Variants in SMARCA2 observed in about 807,000 individuals in gnomAD.
SMARCA2 encodes the protein SWI/SNF related BAF chromatin remodeling complex subunit ATPase 2.
A neutral mutation model predicts 199.8 loss-of-function variants in SMARCA2; 61 were observed. That is an observed-to-expected ratio of 0.31 (90% CI 0.25 to 0.38). The LOEUF (loss-of-function observed/expected upper bound fraction) is 0.38, where lower values mean the gene tolerates loss of function less well. SMARCA2 is among the 10% of genes least tolerant of loss of function. SMARCA2 has a pLI of 1.00. For missense variants in SMARCA2, 1,344 were observed against 2,012.2 expected (o/e 0.67, Z 6.35); for synonymous variants, 935 against 732.0 (o/e 1.28, Z -4.48).
At chr9:2,087,827 C>T (rs1015596204) in intron 18 of SMARCA2, among the ~76,000 whole-genome samples, 1 of 152,168 alleles carries the variant, frequency 6.6e-6, no homozygotes, top group African/African-American at 2.4e-5. Context: ...CACATGGGCC[C>T]ATCCTCAGTA....
chr9:2,184,105 G>A, intron 31 of SMARCA2, among the ~76,000 whole-genome samples: 1 of 152,108 alleles, frequency 6.6e-6, no homozygotes, highest in East Asian at 1.9e-4. Context: ...TGTCTAGAAT[G>A]AATTTCATCT....
At chr9:2,103,375 A>G (rs569052346) in intron 22 of SMARCA2, among the ~76,000 whole-genome samples, 16 of 152,272 alleles carry the variant, frequency 1.1e-4, no homozygotes, top group African/African-American at 2.4e-4. Flanking sequence ...CTCTGCTCCA[A>G]TCTAAAGAAG....
intron 31 of SMARCA2, 43 bp from the exon 32 acceptor site, chr9:2,186,053 A>G (rs1189337206): frequency 6.3e-7 from 1 of 1,598,206 alleles, no homozygotes; most frequent in African/African-American, 1.3e-5. Flanking sequence ...CTGCCATGGT[A>G]ACTCAGCTTG....
chr9:2,056,063 A>T lies in SMARCA2; in HGVS notation c.1174-609A>T, dbSNP rs1484025965. On this transcript the variant is annotated intron_variant, in intron 6 of 33. Transcript: ENST00000349721. The surrounding 1 kb of genome is among the most constrained non-coding windows in gnomAD (Gnocchi z 4.0). ...CCTACCACCACATAACATGCAATACAGATAAAAGTATTACATTTGTGATCT... is the reference window on the plus strand; with the variant it reads ...CCTACCACCACATAACATGCAATACTGATAAAAGTATTACATTTGTGATCT... 1.3e-5 allele frequency among the ~76,000 whole-genome samples: 2 copies of T among 152,236 alleles called. No individual in the cohort carries two copies. The highest frequency in any genetic ancestry group is 2.9e-5 in the Non-Finnish European group (2 of 68,040).
chr9:2,052,718 T>A (rs553923144), intron 5 of SMARCA2, among the ~76,000 whole-genome samples: 43 of 152,312 alleles, frequency 2.8e-4, no homozygotes, highest in Middle Eastern at 6.8e-3. Context: ...GTAGGTTTTT[T>A]AAAAAATCAC....
chr9:2,116,500 C>G (rs569821636), intron 25 of SMARCA2, among the ~76,000 whole-genome samples: 1 of 152,330 alleles, frequency 6.6e-6, no homozygotes, highest in East Asian at 1.9e-4. Context: ...GTAGGACAAA[C>G]CTTCACAGCC....
chr9:2,017,052 G>C lies in SMARCA2; in HGVS notation c.-37+1648G>C, dbSNP rs942198996. 6.6e-6 allele frequency: 1 copy of C among 152,212 alleles called. No individual in the cohort carries two copies. The highest frequency in any genetic ancestry group is 6.5e-5 in the Admixed American group (1 of 15,288). The allele number at this position is 152,212 out of a possible 1,614,324, so 9.4% of individuals were successfully genotyped here. On this transcript the variant is annotated intron_variant, in intron 1 of 33. Transcript: ENST00000349721. The surrounding 1 kb of genome is among the most constrained non-coding windows in gnomAD (Gnocchi z 8.8). ...GGGGCGCGGCAGTGCGGGCTCCGGC[G>C]GACACCCGCGCCTTGGCCGGGGCAC...
At chr9:2,120,541 G>C (rs1375636093) in intron 26 of SMARCA2, among the ~76,000 whole-genome samples, 1 of 152,118 alleles carries the variant, frequency 6.6e-6, no homozygotes, top group Non-Finnish European at 1.5e-5. Flanking sequence ...AAACACAACT[G>C]TGGGCCAAAT....
intron 27 of SMARCA2, among the ~76,000 whole-genome samples, chr9:2,152,708 C>G (rs1825139623): frequency 6.6e-6 from 1 of 151,978 alleles, no homozygotes; most frequent in African/African-American, 2.4e-5. Context: ...AAAAATTAGC[C>G]AGGCGTGGTG....
intron 9 of SMARCA2, among the ~76,000 whole-genome samples, chr9:2,063,104 C>T (rs1425055363): frequency 6.6e-6 from 1 of 152,154 alleles, no homozygotes; most frequent in East Asian, 1.9e-4. Context: ...GGGTGCCTAG[C>T]ATTTGTGCCC....
intron 5 of SMARCA2, among the ~76,000 whole-genome samples, chr9:2,053,403 TTATC>T (rs1254760395): frequency 6.6e-6 from 1 of 152,228 alleles, no homozygotes; most frequent in Non-Finnish European, 1.5e-5. Flanking sequence ...TGTATCTTAA[TTATC>T]TATCATTTTA....
intron 5 of SMARCA2, among the ~76,000 whole-genome samples, chr9:2,049,487 A>G (rs1029053710): frequency 1.3e-5 from 2 of 152,164 alleles, no homozygotes; most frequent in East Asian, 1.9e-4. Flanking sequence ...GAGAATGGCA[A>G]TTTTTCATAG....
At chr9:2,166,219 A>G (rs1459067688) in intron 28 of SMARCA2, among the ~76,000 whole-genome samples, 1 of 152,186 alleles carries the variant, frequency 6.6e-6, no homozygotes, top group Non-Finnish European at 1.5e-5. Flanking sequence ...CATTGGCCAC[A>G]TTCCAGTCTC....
At chr9:2,160,615 T>A (rs775562099) in intron 27 of SMARCA2, 9 of 702,268 alleles carry the variant, frequency 1.3e-5, no homozygotes, top group South Asian at 1.2e-4. Context: ...TGTGGAGAAA[T>A]GAAGGTAATT....
chr9:2,032,732 AC>A lies in SMARCA2; in HGVS notation c.226-219del, dbSNP rs1240240800. On this transcript the variant is annotated intron_variant, in intron 2 of 33. Coordinates refer to ENST00000349721, the MANE Select transcript of SMARCA2 (RefSeq NM_003070.5). ...GATATTACAAAAAACAAACAAACAA[AC>A]AAACAAACAAAAAAACAACCCTCCA... 4.1e-5 allele frequency: 16 copies of A among 393,766 alleles called. No homozygotes were observed. In the East Asian group the frequency reaches 6.1e-4, roughly 15 times the overall value. 24.4% of individuals were successfully genotyped at this position (393,766 alleles called of 1,614,324 possible).
At chr9:2,035,916 A>G (rs961424351) in intron 3 of SMARCA2, among the ~76,000 whole-genome samples, 1 of 152,242 alleles carries the variant, frequency 6.6e-6, no homozygotes, top group African/African-American at 2.4e-5. Flanking sequence ...ACTTGGTAAT[A>G]GCACGTGTCT....
chr9:2,084,879 T>G (rs1240786856), intron 17 of SMARCA2, among the ~76,000 whole-genome samples: 1 of 152,254 alleles, frequency 6.6e-6, no homozygotes, highest in Non-Finnish European at 1.5e-5. Flanking sequence ...TATATCATCT[T>G]GTCTTCTAAT....
At position 2,140,900 on chromosome 9, in the gene SMARCA2, G is replaced by A. The variant is rs183841332; in HGVS notation, c.3981+16963G>A. On this transcript the variant is annotated intron_variant, in intron 27 of 33. Transcript: ENST00000349721. ...CACCTTGCTGTACTGGGCACTTGGTGCCAGAGGACTTTTTTTTTTAAGGGC... is the reference window on the plus strand; with the variant it reads ...CACCTTGCTGTACTGGGCACTTGGTACCAGAGGACTTTTTTTTTTAAGGGC... Among the ~76,000 whole-genome samples the A allele has an allele frequency of 4.5e-3, 690 of 152,150 alleles. 5 individuals carry two copies. The highest frequency in any genetic ancestry group is 0.016 in the African/African-American group (657 of 41,512).
chr9:2,137,941 C>G (rs1824280877), intron 27 of SMARCA2, among the ~76,000 whole-genome samples: 1 of 152,130 alleles, frequency 6.6e-6, no homozygotes, highest in Admixed American at 6.5e-5. Context: ...TCTGTGACTT[C>G]ATGTAAAGAT....
Sources: gnomAD v4.1 joint callset for allele counts (sites outside exome capture counted in the v4.1 genomes callset) on GRCh38, gnomAD v4.1.1 for gene constraint, Gnocchi (gnomAD v3.1) non-coding constraint, MANE v1.5 for transcripts, NCBI Gene and HGNC (gene_info 2026-07-23, HGNC 2026-07-21) for gene names.